Variants in FAM135B observed in about 807,000 individuals in gnomAD.
The protein encoded by FAM135B is family with sequence similarity 135 member B, also known as protein FAM135B.
FAM135B carries 43 observed loss-of-function variants against 127.7 expected under a neutral mutation model. The ratio of observed to expected loss-of-function variants is 0.34; its 90% CI spans 0.26 to 0.43. The LOEUF (loss-of-function observed/expected upper bound fraction) is 0.43. Ranked by LOEUF, FAM135B falls within the 20% of genes least tolerant of loss-of-function variation. The probability of loss-of-function intolerance (pLI) is 1.00; values close to 1 mark genes in which losing one functional copy is unlikely to be tolerated. For synonymous variants in FAM135B, 670 were observed against 665.1 expected (o/e 1.01, Z -0.11); for missense variants, 1,558 against 1,725.6 (o/e 0.90, Z 1.72).
intron 1 of FAM135B, among the ~76,000 whole-genome samples, chr8:138,369,786 A>T (rs192564942): frequency 1.3e-5 from 2 of 152,302 alleles, no homozygotes; most frequent in Admixed American, 1.3e-4. Context: ...TAATCACATT[A>T]AACATCAACA....
intron 1 of FAM135B, chr8:138,440,363 C>T (rs1431725477): frequency 6.6e-6 from 1 of 151,606 alleles, no homozygotes; most frequent in Non-Finnish European, 1.5e-5. Flanking sequence ...TGTCTGGGTG[C>T]TATTAGGAGG....
intron 7 of FAM135B, among the ~76,000 whole-genome samples, chr8:138,230,769 C>T (rs1253962927): frequency 6.6e-6 from 1 of 152,112 alleles, no homozygotes; most frequent in Non-Finnish European, 1.5e-5. Context: ...CCCTACAGCA[C>T]CAGAGGCCAA....
chr8:138,444,555 G>T (rs879282031), intron 1 of FAM135B, among the ~76,000 whole-genome samples: 100 of 152,142 alleles, frequency 6.6e-4, no homozygotes, highest in Non-Finnish European at 1.0e-3. Flanking sequence ...ATGACTACTG[G>T]GTACATAATG....
intron 2 of FAM135B, among the ~76,000 whole-genome samples, chr8:138,336,673 G>C (rs1031181155): frequency 6.6e-6 from 1 of 152,156 alleles, no homozygotes; most frequent in African/African-American, 2.4e-5. Context: ...AATTCCACCA[G>C]AGGTACAAGG....
At chr8:138,483,078 TA>T (rs1253543222) in intron 1 of FAM135B, among the ~76,000 whole-genome samples, 1 of 151,002 alleles carries the variant, frequency 6.6e-6, no homozygotes, top group East Asian at 2.0e-4. Flanking sequence ...ACAATCAATT[TA>T]AAATTTGAAA....
At chr8:138,200,630 TC>T (rs1817040131) in intron 7 of FAM135B, among the ~76,000 whole-genome samples, 2 of 152,040 alleles carry the variant, frequency 1.3e-5, no homozygotes, top group Non-Finnish European at 2.9e-5. Flanking sequence ...AGTGTCCCAT[TC>T]CCCCCAGCCT....
chr8:138,234,174 T>C (rs1820103882), intron 7 of FAM135B, among the ~76,000 whole-genome samples: 1 of 152,040 alleles, frequency 6.6e-6, no homozygotes, highest in African/African-American at 2.4e-5. Context: ...TTGTCAACAC[T>C]TATCTTGTAA....
chr8:138,326,231 T>C (rs1444009325), intron 2 of FAM135B, among the ~76,000 whole-genome samples: 1 of 152,164 alleles, frequency 6.6e-6, no homozygotes, highest in Non-Finnish European at 1.5e-5. Context: ...GTCAATGTTG[T>C]GCTCAAAGAA....
At chr8:138,319,862 T>C (rs1452130318) in intron 2 of FAM135B, among the ~76,000 whole-genome samples, 2 of 152,152 alleles carry the variant, frequency 1.3e-5, no homozygotes, top group Admixed American at 6.5e-5. Flanking sequence ...CTAAACTTCA[T>C]GGGTATACTC....
intron 18 of FAM135B, 131 bp downstream of exon 18, chr8:138,138,855 G>T (rs1816883459): frequency 3.2e-6 from 2 of 629,144 alleles, no homozygotes; most frequent in South Asian, 4.0e-5. Flanking sequence ...AGCCAAAGAG[G>T]CTTTGAGTGC....
At chr8:138,213,496 T>G (rs1403292097) in intron 7 of FAM135B, among the ~76,000 whole-genome samples, 1 of 147,288 alleles carries the variant, frequency 6.8e-6, no homozygotes, top group Non-Finnish European at 1.5e-5. Flanking sequence ...GTTTTCAATT[T>G]TATGTAATTT....
chr8:138,164,499 C>T (rs993737603), intron 12 of FAM135B, among the ~76,000 whole-genome samples: 6 of 152,172 alleles, frequency 3.9e-5, no homozygotes, highest in Non-Finnish European at 8.8e-5. Context: ...AAGGGAAAAG[C>T]CAAGCTGGGA....
intron 1 of FAM135B, among the ~76,000 whole-genome samples, chr8:138,486,532 C>T (rs935131837): frequency 6.6e-6 from 1 of 152,204 alleles, no homozygotes; most frequent in African/African-American, 2.4e-5. Flanking sequence ...TTGCCCACAG[C>T]TGACGGGAGC....
intron 1 of FAM135B, among the ~76,000 whole-genome samples, chr8:138,382,414 T>C (rs1416844598): frequency 1.3e-5 from 2 of 152,202 alleles, no homozygotes; most frequent in East Asian, 3.9e-4. Context: ...AAGGCCTCTC[T>C]TGAGGGTTCA....
chr8:138,185,875 C>T (rs968016872), intron 9 of FAM135B, among the ~76,000 whole-genome samples: 1 of 152,184 alleles, frequency 6.6e-6, no homozygotes, highest in South Asian at 2.1e-4. Context: ...GAGGAGTACA[C>T]CCCACTTCCT....
rs373050321 is a variant in FAM135B, at chr8:138,132,552, C to G, written c.*41G>C. The G allele has an allele frequency of 6.5e-7, 1 of 1,529,120 alleles. No individual in the cohort carries two copies. Among genetic ancestry groups the G allele is most frequent in the Non-Finnish European group, 9.1e-7 (1 of 1,104,068 alleles). 94.7% of individuals were successfully genotyped at this position (1,529,120 alleles called of 1,614,324 possible). On this transcript the variant is annotated 3_prime_UTR_variant, in exon 20 of 20. Transcript: ENST00000395297. The surrounding 1 kb of genome is among the most constrained non-coding windows in gnomAD (Gnocchi z 4.5). ...AGCAGGTCTCAGCTAAAGCTCTCCA[C>G]CGATCGTAAGCATTACCAAAGACCT...
chr8:138,194,981 A>G (rs1192329245), intron 9 of FAM135B, among the ~76,000 whole-genome samples: 1 of 152,204 alleles, frequency 6.6e-6, no homozygotes, highest in East Asian at 1.9e-4. Context: ...TGTTCAATGG[A>G]TGGGTAATGG....
chr8:138,344,573 CTTTCT>C (rs150314388), intron 2 of FAM135B, among the ~76,000 whole-genome samples: 58,946 of 113,072 alleles, frequency 0.52, 11,776 homozygotes, highest in Non-Finnish European at 0.6. Flanking sequence ...CACTTTCTTT[CTTTCT>C]TTTTTTTTTT....
intron 2 of FAM135B, 106 bp downstream of exon 2, chr8:138,367,801 C>T (rs10505702): frequency 0.028 from 23,731 of 852,696 alleles, 959 homozygotes; most frequent in East Asian, 0.17. Context: ...TTCGTTAGTC[C>T]CAAATTTCCT....
Sources: gnomAD v4.1 joint callset for allele counts (sites outside exome capture counted in the v4.1 genomes callset) on GRCh38, gnomAD v4.1.1 for gene constraint, Gnocchi (gnomAD v3.1) non-coding constraint, MANE v1.5 for transcripts, NCBI Gene and HGNC (gene_info 2026-07-23, HGNC 2026-07-21) for gene names.